The following ALKBH3 variants were observed in gnomAD, a reference collection of about 807,000 sequenced individuals.
The protein encoded by ALKBH3 is alpha-ketoglutarate-dependent dioxygenase alkB homolog 3.
A neutral mutation model predicts 43.9 loss-of-function variants in ALKBH3; 51 were observed. The observed-to-expected ratio is 1.16, with a 90% confidence interval of 0.93 to 1.47. The LOEUF is 1.47. Ranked by LOEUF, ALKBH3 falls within the 40% of genes most tolerant of loss-of-function variation. ALKBH3 has a pLI of 0.00. For missense variants in ALKBH3, 361 were observed against 351.9 expected, an observed-to-expected ratio of 1.03 and a Z score of -0.21; for synonymous variants, 102 against 115.2, an observed-to-expected ratio of 0.89 and a Z score of 0.73.
chr11:43,913,119 A>C (rs1590381054), intron 8 of ALKBH3, among the ~76,000 whole-genome samples: 1 of 152,148 alleles, frequency 6.6e-6, no homozygotes, highest in Non-Finnish European at 1.5e-5. Context: ...AAAAAAAAAA[A>C]AAACAAGTAC....
intron 7 of ALKBH3, chr11:43,898,251 T>G: frequency 1.2e-6 from 1 of 821,080 alleles, no homozygotes; most frequent in East Asian, 2.4e-5. Flanking sequence ...AGGGTGAAAT[T>G]CCAAAAGATG....
chr11:43,898,073 A>G (rs1951832307), intron 7 of ALKBH3: 5 of 1,014,124 alleles, frequency 4.9e-6, no homozygotes, highest in Non-Finnish European at 6.3e-6. Flanking sequence ...GTCCTCAAGG[A>G]GGGGCTGAGT....
In ALKBH3 at chr11:43,900,129, G is replaced by T. The variant is rs530624403; in HGVS notation, c.460-1387G>T. On this transcript the variant is annotated intron_variant, in intron 7 of 9. Transcript: ENST00000302708. ...CTTCTCATCAATTATTCAATTATTTGTGTTGGAAATTATAGTTATTTTTCA... is the reference window on the plus strand; with the variant it reads ...CTTCTCATCAATTATTCAATTATTTTTGTTGGAAATTATAGTTATTTTTCA... Among the ~76,000 whole-genome samples the T allele has an allele frequency of 4.0e-5, 6 of 148,260 alleles. No individual in the cohort carries two copies. The South Asian group carries it at 1.3e-3, about 31-fold the overall frequency.
At chr11:43,914,681 C>T (rs1383158295) in intron 8 of ALKBH3, among the ~76,000 whole-genome samples, 1 of 152,142 alleles carries the variant, frequency 6.6e-6, no homozygotes, top group African/African-American at 2.4e-5. Context: ...GTAGAGTTGA[C>T]TCTAAAATTT....
chr11:43,902,646 A>T (rs749432985), intron 8 of ALKBH3, among the ~76,000 whole-genome samples: 2 of 152,206 alleles, frequency 1.3e-5, no homozygotes, highest in Non-Finnish European at 2.9e-5. Context: ...CCCAGGCTGG[A>T]GTGCAAGTGG....
chr11:43,908,457 C>T lies in ALKBH3; in HGVS notation c.669+6732C>T, dbSNP rs369740540. Among the ~76,000 whole-genome samples, 57 of 152,176 alleles carry T rather than the reference C, an allele frequency of 3.7e-4. No individual in the cohort carries two copies. The South Asian group carries it at 9.7e-3, about 26-fold the overall frequency. ...GGGCTCAGCTGGAGGTGAGGTATGG[C>T]GGAATGTGTTCTCATATGCTTTCAG... On this transcript the variant is annotated intron_variant, in intron 8 of 9. Transcript: ENST00000302708.
intron 7 of ALKBH3, chr11:43,897,715 A>C (rs749937139): frequency 1.2e-6 from 1 of 807,374 alleles, no homozygotes; most frequent in African/African-American, 1.7e-5. Context: ...AACTCACTGA[A>C]TTCTCGGGAA....
intron 7 of ALKBH3, chr11:43,898,413 G>A (rs765806861): frequency 8.6e-5 from 62 of 719,166 alleles, no homozygotes; most frequent in Middle Eastern, 2.7e-4. Flanking sequence ...ATTACTACAC[G>A]GGAGGCTGGC....
chr11:43,892,088 C>T lies in ALKBH3; in HGVS notation c.418C>T (p.Pro140Ser). The T allele has an allele frequency of 1.2e-6, 2 of 1,613,706 alleles. No individual in the cohort carries two copies. The highest frequency in any genetic ancestry group is 1.7e-6 in the Non-Finnish European group (2 of 1,179,634). ...PRLTAWYGEL[P>S]YTYSRITMEP... ...ACTTACAGCATGGTATGGAGAACTT[C>T]CTTACACTTATTCAAGAATCACTAT... Residue 140 changes from proline to serine, a missense_variant, in exon 7 of 10, where the codon CCT (proline) becomes TCT (serine). Transcript: ENST00000302708.
intron 5 of ALKBH3, among the ~76,000 whole-genome samples, chr11:43,888,883 A>G (rs977515361): frequency 2.6e-5 from 4 of 152,246 alleles, no homozygotes; most frequent in Admixed American, 2.0e-4. Context: ...AAATAAACAC[A>G]TATTCAGTGG....
chr11:43,901,409 TG>T (rs1951862917), intron 7 of ALKBH3, 106 bp from the exon 8 acceptor site: 2 of 1,265,300 alleles, frequency 1.6e-6, no homozygotes, highest in South Asian at 2.7e-5. Flanking sequence ...TTACATGCCC[TG>T]GTTATAACTT....
rs375329319 is a variant in ALKBH3 at position 43,903,208 on chromosome 11, A to G, written c.669+1483A>G. 3.4e-4 allele frequency among the ~76,000 whole-genome samples: 52 copies of G among 152,296 alleles called. 1 individual carries two copies. In the East Asian group the frequency reaches 7.7e-3, roughly 23 times the overall value. Reference sequence around the variant, plus strand: ...AAGTGAACTTGCTCTCTAAGCCTTCAGTTACATTGGCAAGCAGCCTTCTCA... The same window carrying G: ...AAGTGAACTTGCTCTCTAAGCCTTCGGTTACATTGGCAAGCAGCCTTCTCA... On this transcript the variant is annotated intron_variant, in intron 8 of 9. Transcript: ENST00000302708.
intron 8 of ALKBH3, among the ~76,000 whole-genome samples, chr11:43,911,101 T>G (rs966312128): frequency 6.6e-6 from 1 of 152,162 alleles, no homozygotes; most frequent in Non-Finnish European, 1.5e-5. Flanking sequence ...GAATTTTTAT[T>G]TTAGAAGATC....
chr11:43,898,632 G>A (rs1951837823), intron 7 of ALKBH3: 2 of 733,408 alleles, frequency 2.7e-6, no homozygotes, highest in African/African-American at 1.7e-5. Context: ...TGGAAGGGGT[G>A]AACATGCGCC....
intron 8 of ALKBH3, among the ~76,000 whole-genome samples, chr11:43,908,184 C>A (rs894963199): frequency 6.6e-6 from 1 of 152,212 alleles, no homozygotes; most frequent in Non-Finnish European, 1.5e-5. Context: ...AATTTGCAGT[C>A]TTCCAGAGAT....
At chr11:43,886,464 A>G (rs554122014) in intron 4 of ALKBH3, 142 bp from the exon 5 acceptor site, 1 of 682,224 alleles carries the variant, frequency 1.5e-6, no homozygotes, top group African/African-American at 1.8e-5. Flanking sequence ...CAGTGGTAGA[A>G]GAAGGTGGGG....
chr11:43,890,580 T>C (rs775947112), intron 6 of ALKBH3, among the ~76,000 whole-genome samples: 25 of 152,136 alleles, frequency 1.6e-4, no homozygotes, highest in Non-Finnish European at 3.2e-4. Flanking sequence ...AAAACTATCA[T>C]AGTGGCTGGG....
intron 8 of ALKBH3, among the ~76,000 whole-genome samples, chr11:43,918,362 G>A (rs556047442): frequency 1.3e-5 from 2 of 152,340 alleles, no homozygotes; most frequent in East Asian, 1.9e-4. Context: ...TACAGGAGTC[G>A]TGATCCATCC....
intron 9 of ALKBH3, 123 bp from the exon 10 acceptor site, chr11:43,919,795 C>A: frequency 1.1e-6 from 1 of 900,530 alleles, no homozygotes; most frequent in Admixed American, 2.1e-5. Context: ...AAAGAGCTTA[C>A]TACTCATTTA....
Sources: gnomAD v4.1 joint callset for allele counts (sites outside exome capture counted in the v4.1 genomes callset) on GRCh38, gnomAD v4.1.1 for gene constraint, MANE v1.5 for transcripts, NCBI Gene and HGNC (gene_info 2026-07-23, HGNC 2026-07-21) for gene names.